Variants in PLP2 observed in about 807,000 individuals in gnomAD.
PLP2 encodes A4 differentiation-dependent protein.
A neutral mutation model predicts 11.4 loss-of-function variants in PLP2; 8 were observed. That is an observed-to-expected ratio of 0.70 (90% CI 0.41 to 1.27). The LOEUF (loss-of-function observed/expected upper bound fraction) is 1.27, where lower values mean the gene tolerates loss of function less well. Among genes scored for constraint, PLP2 ranks in the 50% most tolerant of loss-of-function variants. The pLI is 0.01. For missense variants in PLP2, 127 were observed against 123.5 expected, an observed-to-expected ratio of 1.03 and a Z score of -0.14; for synonymous variants, 50 against 53.2, an observed-to-expected ratio of 0.94 and a Z score of 0.26.
intron 4 of PLP2, 95 bp from the exon 5 acceptor site, chrX:49,174,577 T>TA (rs781991469): frequency 1.4e-4 from 134 of 930,377 alleles, no homozygotes; most frequent in Non-Finnish European, 1.9e-4. Flanking sequence ...AGCTTCGGTA[T>TA]TCTTGTGTGT....
In PLP2 at chrX:49,171,918, C is replaced by T; in HGVS notation, c.-83C>T. The T allele has an allele frequency of 1.4e-6, 1 of 696,337 alleles. No homozygotes were observed. Among genetic ancestry groups the T allele is most frequent in the Non-Finnish European group, 2.2e-6 (1 of 445,536 alleles). The allele number at this position is 696,337 out of a possible 1,213,427, so 57.4% of individuals were successfully genotyped here. ...GCCCCCTTCCCGGCCAGACGGCGGG[C>T]AAGACAGCTGGGTGTACAGCGTCCT... On this transcript the variant is annotated 5_prime_UTR_variant, in exon 1 of 5. Transcript: ENST00000376327.
rs1268134319 is a variant in PLP2 at position 49,174,338 on chromosome X, C to A, written c.349C>A (p.Leu117Met). The A allele has an allele frequency of 8.3e-7, 1 of 1,204,927 alleles. No homozygotes were observed. The highest frequency in any genetic ancestry group is 1.7e-5 in the African/African-American group (1 of 57,687). The change falls in exon 4 of 5, where the codon CTG (leucine) becomes ATG (methionine). Residue 117 changes from leucine (L) to methionine (M), a missense_variant. By Grantham distance (15) the Leu-to-Met change is conservative. Coordinates refer to ENST00000376327, the MANE Select transcript of PLP2 (RefSeq NM_002668.3). ...GNHSKIVAGV[L>M]GLIATCLFGY... The stretch of plus-strand genomic sequence containing the variant: ...TCACTCCTATCCTGTCCCCCAGGTA[C>A]TGGGCCTAATCGCTACGTGCCTCTT...
In PLP2 at chrX:49,174,798, C is replaced by T. The variant is rs1020286667; in HGVS notation, c.*104C>T. 5 of 718,578 alleles carry T rather than the reference C, an allele frequency of 7.0e-6. No homozygotes were observed. The South Asian group carries it at 9.0e-5, about 13-fold the overall frequency. The allele number at this position is 718,578 out of a possible 1,213,427, so 59.2% of individuals were successfully genotyped here. A position where few individuals can be genotyped will look rare whatever the true frequency, so the allele number is the denominator to read the frequency against. On this transcript the variant is annotated 3_prime_UTR_variant, in exon 5 of 5. Transcript: ENST00000376327. ...ATTCCCAGCAGACCAACTCCCACCC[C>T]CTCTTTGAGGTAAAAGTGCCTTTAT...
At position 49,174,331 on chromosome X, in the gene PLP2, C is replaced by T; in HGVS notation, c.346-4C>T. ...AACCCCCTCACTCCTATCCTGTCCC[C>T]CAGGTACTGGGCCTAATCGCTACGT... is the stretch of plus-strand genomic sequence containing the variant. On this transcript the variant is annotated splice_polypyrimidine_tract_variant and splice_region_variant and intron_variant, in intron 3 of 4. Coordinates refer to ENST00000376327, the MANE Select transcript of PLP2 (RefSeq NM_002668.3). 1 of 1,198,386 alleles carries T rather than the reference C, an allele frequency of 8.3e-7. No individual in the cohort carries two copies. Among genetic ancestry groups the T allele is most frequent in the Non-Finnish European group, 1.1e-6 (1 of 883,322 alleles).
chrX:49,172,787 C>T (rs1278768041), intron 1 of PLP2, among the ~76,000 whole-genome samples: 1 of 112,055 alleles, frequency 8.9e-6, no homozygotes, highest in African/African-American at 3.2e-5. Context: ...CACCTGGCAG[C>T]GCCACTCCCC....
intron 1 of PLP2, among the ~76,000 whole-genome samples, chrX:49,172,910 C>T (rs926126253): frequency 6.2e-5 from 7 of 112,725 alleles, no homozygotes; most frequent in East Asian, 2.8e-4. Flanking sequence ...CCTCAGTTTT[C>T]TCGTCTATAA....
chrX:49,172,571 G>T (rs1371293925), intron 1 of PLP2, among the ~76,000 whole-genome samples: 1 of 112,663 alleles, frequency 8.9e-6, no homozygotes, highest in African/African-American at 3.2e-5. Flanking sequence ...TTCAGAGGCC[G>T]GGCGGGATGT....
Position 49,174,946 on chromosome X carries a change from C to A in PLP2, c.*252C>A. ...ACACCAGTTCTGACTGAACCATGCC[C>A]CCACCTAAGTCACAAAATGAGGGAA... On this transcript the variant is annotated 3_prime_UTR_variant, in exon 5 of 5. Transcript: ENST00000376327. 1 of 441,445 alleles carries A rather than the reference C, an allele frequency of 2.3e-6. No homozygotes were observed. The highest frequency in any genetic ancestry group is 4.0e-6 in the Non-Finnish European group (1 of 250,563). The allele number at this position is 441,445 out of a possible 1,213,427, so 36.4% of individuals were successfully genotyped here.
Position 49,172,058 on chromosome X carries a change from T to C in PLP2, c.58T>C (p.Ser20Pro). Residue 20 changes from serine to proline, a missense_variant, in exon 1 of 5, where the codon TCG (serine) becomes CCG (proline). By Grantham distance (74) the Ser-to-Pro change is moderately conservative. Transcript: ENST00000376327. ...PGCWAACTNF[S>P]RTRKGILLFA... is the part of the protein sequence containing the mutation. The stretch of plus-strand genomic sequence containing the variant: ...CTGCTGGGCCGCCTGCACCAACTTC[T>C]CGCGCACTCGAAAGGGAATCCTCCT... The C allele has an allele frequency of 1.7e-6, 2 of 1,207,793 alleles. No homozygotes were observed. The highest frequency in any genetic ancestry group is 2.2e-6 in the Non-Finnish European group (2 of 892,051).
chrX:49,174,827 G>A lies in PLP2; in HGVS notation c.*133G>A. The A allele has an allele frequency of 1.7e-6, 1 of 584,653 alleles. No homozygotes were observed. The highest frequency in any genetic ancestry group is 2.9e-6 in the Non-Finnish European group (1 of 341,686). 48.2% of individuals were successfully genotyped at this position (584,653 alleles called of 1,213,427 possible). A position where few individuals can be genotyped will look rare whatever the true frequency, so the allele number is the denominator to read the frequency against. On this transcript the variant is annotated 3_prime_UTR_variant, in exon 5 of 5. Transcript: ENST00000376327. ...TTTGAGGTAAAAGTGCCTTTATTGGGAGACTTTTGTCTTCCAGCCTGCCAA... is the reference window on the plus strand; with the variant it reads ...TTTGAGGTAAAAGTGCCTTTATTGGAAGACTTTTGTCTTCCAGCCTGCCAA...
rs782278583 is a variant in PLP2 at position 49,174,372 on chromosome X, AT to A, written c.384del (p.Asp128GlufsTer44). 1.7e-6 allele frequency: 2 copies of A among 1,210,764 alleles called. No homozygotes were observed. Among genetic ancestry groups the A allele is most frequent in the South Asian group, 3.5e-5 (2 of 56,969 alleles). The stretch of plus-strand genomic sequence containing the variant: ...ATCGCTACGTGCCTCTTTGGCTATG[AT>A]GCCTATGTCACCTTCCCCGTTCGGC... ...GLIATCLFGY[D>X]AYVTFPVRQP... On this transcript the variant is annotated frameshift_variant, in exon 4 of 5. Coordinates refer to ENST00000376327, the MANE Select transcript of PLP2 (RefSeq NM_002668.3). LOFTEE classifies it high-confidence loss of function.
Position 49,172,054 on chromosome X carries a change from C to G in PLP2, c.54C>G (p.Asn18Lys), listed in dbSNP as rs782433292. The G allele has an allele frequency of 4.1e-5, 49 of 1,207,095 alleles. No individual in the cohort carries two copies. The highest frequency in any genetic ancestry group is 5.3e-5 in the Non-Finnish European group (47 of 892,226). Residue 18 changes from asparagine to lysine, a missense_variant, in exon 1 of 5, where the codon AAC becomes AAG. By Grantham distance (94) the Asn-to-Lys change is moderately conservative (BLOSUM62 0). Coordinates refer to ENST00000376327, the MANE Select transcript of PLP2 (RefSeq NM_002668.3). ...SAPGCWAACT[N>K]FSRTRKGILL... ...CTGGCTGCTGGGCCGCCTGCACCAA[C>G]TTCTCGCGCACTCGAAAGGGAATCC...
At position 49,172,131 on chromosome X, in the gene PLP2, G is replaced by C. The variant is rs2071314; in HGVS notation, c.96+35G>C. 7,536 of 993,634 alleles carry C rather than the reference G, an allele frequency of 7.6e-3. 161 individuals carry two copies. The highest frequency in any genetic ancestry group is 0.07 in the Admixed American group (3,026 of 43,187). 81.9% of individuals were successfully genotyped at this position (993,634 alleles called of 1,213,427 possible). ...CTGGGGCAGGCGCGTGGGCAAAAGC[G>C]GGATGGGGTGGCTGGACCATGCGGA... is the stretch of plus-strand genomic sequence containing the variant. On this transcript the variant is annotated intron_variant, in intron 1 of 4. Coordinates refer to ENST00000376327, the MANE Select transcript of PLP2 (RefSeq NM_002668.3).
At position 49,173,264 on chromosome X, in the gene PLP2, A is replaced by C. The variant is rs2065398461; in HGVS notation, c.232A>C (p.Ile78Leu). Residue 78 changes from isoleucine to leucine, a missense_variant, in exon 2 of 5, where the codon ATC becomes CTC. Transcript: ENST00000376327. The part of the protein sequence containing the change: ...MCDLHTKIPF[I>L]NWPWSDFFRT... Reference sequence around the variant, plus strand: ...TGACCTGCACACCAAGATACCATTCATCAACTGGCCCTGGAGTGTGAGAAG... The same window carrying C: ...TGACCTGCACACCAAGATACCATTCCTCAACTGGCCCTGGAGTGTGAGAAG... 2 of 1,211,323 alleles carry C rather than the reference A, an allele frequency of 1.7e-6. No individual in the cohort carries two copies. Among genetic ancestry groups the C allele is most frequent in the Non-Finnish European group, 2.2e-6 (2 of 895,151 alleles).
At position 49,174,372 on chromosome X, in the gene PLP2, A is replaced by G; in HGVS notation, c.383A>G (p.Asp128Gly). The change falls in exon 4 of 5, where the codon GAT (aspartate) becomes GGT (glycine). Residue 128 changes from aspartate (D) to glycine (G), a missense_variant. Coordinates refer to ENST00000376327, the MANE Select transcript of PLP2 (RefSeq NM_002668.3). ...GLIATCLFGY[D>G]AYVTFPVRQP... ...ATCGCTACGTGCCTCTTTGGCTATG[A>G]TGCCTATGTCACCTTCCCCGTTCGG... 1 of 1,210,764 alleles carries G rather than the reference A, an allele frequency of 8.3e-7. No individual in the cohort carries two copies.
chrX:49,172,325 A>G (rs1258725606), intron 1 of PLP2, among the ~76,000 whole-genome samples: 1 of 110,948 alleles, frequency 9.0e-6, no homozygotes, highest in Non-Finnish European at 1.9e-5. Context: ...GGAGCCTATA[A>G]CGCATACGGA....
intron 1 of PLP2, among the ~76,000 whole-genome samples, chrX:49,172,467 G>A (rs1419385981): frequency 1.8e-5 from 2 of 111,520 alleles, no homozygotes; most frequent in Non-Finnish European, 3.8e-5. Flanking sequence ...CTGGCAGCGC[G>A]CCCAGGGGCA....
chrX:49,173,996 G>A (rs1360279571), intron 3 of PLP2, among the ~76,000 whole-genome samples: 1 of 111,062 alleles, frequency 9.0e-6, no homozygotes, highest in Admixed American at 9.5e-5. Context: ...CTTGAACCCA[G>A]AAGACAAAGG....
intron 3 of PLP2, 67 bp downstream of exon 3, chrX:49,173,550 C>A (rs1557099494): frequency 1.7e-6 from 2 of 1,206,555 alleles, no homozygotes; most frequent in African/African-American, 3.5e-5. Context: ...ACCATTTCTG[C>A]CTTTGCTTCT....
Sources: allele counts gnomAD v4.1 joint callset (sites outside exome capture counted in the v4.1 genomes callset), GRCh38; gene constraint gnomAD v4.1.1; transcripts MANE v1.5; gene names NCBI Gene and HGNC (gene_info 2026-07-23, HGNC 2026-07-21).